Variants in NEB observed in about 807,000 individuals in gnomAD.
NEB encodes nebulin.
In NEB, 512 loss-of-function variants were observed where a neutral mutation model predicts 952.2. The ratio of observed to expected loss-of-function variants is 0.54; its 90% CI spans 0.50 to 0.58. The LOEUF is 0.58. NEB is among the 20% of genes least tolerant of loss of function. NEB has a pLI of 0.00. For missense variants in NEB, 8,428 were observed against 9,231.1 expected (o/e 0.91, Z 3.56); for synonymous variants, 2,900 against 3,149.8 (o/e 0.92, Z 2.66).
At chr2:151,646,082 C>A in intron 55 of NEB, 48 bp downstream of exon 55, 1 of 1,367,776 alleles carries the variant, frequency 7.3e-7, no homozygotes, top group East Asian at 2.5e-5. Context: ...GATTTAGAAA[C>A]AATTAAAATG....
intron 124 of NEB, among the ~76,000 whole-genome samples, 157 bp downstream of exon 124, chr2:151,560,435 C>G (rs945697829): frequency 5.3e-5 from 8 of 151,868 alleles, no homozygotes; most frequent in African/African-American, 1.9e-4. Flanking sequence ...CACATAGACT[C>G]TAATGACTGA....
At chr2:151,630,981 G>A (rs1198537454) in intron 66 of NEB, among the ~76,000 whole-genome samples, 162 bp from the exon 67 acceptor site, 1 of 152,160 alleles carries the variant, frequency 6.6e-6, no homozygotes, top group Non-Finnish European at 1.5e-5. Flanking sequence ...TATCAAGATT[G>A]AAACTTGGAA....
intron 66 of NEB, 91 bp downstream of exon 66, chr2:151,631,052 C>A (rs140535618): frequency 2.0e-6 from 3 of 1,510,072 alleles, no homozygotes; most frequent in Non-Finnish European, 2.7e-6. Flanking sequence ...TGCGACCCCA[C>A]GCCTTCATAG....
chr2:151,701,496 G>A (rs2099668648), intron 13 of NEB, among the ~76,000 whole-genome samples: 1 of 149,616 alleles, frequency 6.7e-6, no homozygotes, highest in African/African-American at 2.5e-5. Flanking sequence ...ATCTGGTCCT[G>A]GACTCTTTTT....
chr2:151,505,732 G>C (rs143183687), intron 164 of NEB, among the ~76,000 whole-genome samples, 162 bp from the exon 165 acceptor site: 1 of 152,168 alleles, frequency 6.6e-6, no homozygotes, highest in Non-Finnish European at 1.5e-5. Flanking sequence ...CTGATACTGG[G>C]TAAGAGGAGA....
At chr2:151,672,262 A>C in intron 37 of NEB, 107 bp downstream of exon 37, 1 of 1,123,230 alleles carries the variant, frequency 8.9e-7, no homozygotes, top group Non-Finnish European at 1.2e-6. Context: ...TGTTTATTCT[A>C]AAGTGCATTT....
rs555782688 is a variant in NEB, at chr2:151,663,791, G to A, written c.5520C>T (p.Asp1840=). The part of the protein sequence containing the change: ...KHIGFRSLED[D]PKLVHFMQVA... ...CTTGCATGAAGTGCACCAGCTTGGG[G>A]TCATCTTCCAGGCTCCGGAAGCCAA... Residue 1840 remains aspartate (D), a synonymous_variant, in exon 45 of 182, where the codon GAC becomes GAT. Transcript: ENST00000397345. 1.1e-4 allele frequency: 180 copies of A among 1,613,844 alleles called. 2 individuals are homozygous for A. In the South Asian group the frequency reaches 1.9e-3, roughly 17 times the overall value.
At chr2:151,554,528 C>T (rs2153663700) in intron 125 of NEB, among the ~76,000 whole-genome samples, 1 of 152,220 alleles carries the variant, frequency 6.6e-6, no homozygotes, top group South Asian at 2.1e-4. Flanking sequence ...CCACTGCCCT[C>T]CAGCCAGGGC....
chr2:151,532,640 TGAG>T (rs887318391), intron 143 of NEB, among the ~76,000 whole-genome samples: 1 of 151,760 alleles, frequency 6.6e-6, no homozygotes, highest in Non-Finnish European at 1.5e-5. Context: ...GGAGGAGAAA[TGAG>T]GAGGTTAAGC....
At chr2:151,610,730 T>C (rs745710574) in intron 79 of NEB, 32 bp downstream of exon 79, 1 of 1,591,936 alleles carries the variant, frequency 6.3e-7, no homozygotes, top group Non-Finnish European at 8.6e-7. Context: ...TAATTAATCT[T>C]AGGTTTAAGC....
In NEB at chr2:151,719,172, G is replaced by GCT. The variant is rs201365253; in HGVS notation, c.718-1654_718-1653dup. On this transcript the variant is annotated intron_variant, in intron 9 of 181. Transcript: ENST00000397345. Reference sequence around the variant, plus strand: ...CATGTCTCTTTCCTCTTGACTGTGAGCTCTGGGATGGCAAAGAAGATGTCC... The same window carrying GCT: ...CATGTCTCTTTCCTCTTGACTGTGAGCTCTCTGGGATGGCAAAGAAGATGTCC... Among the ~76,000 whole-genome samples, 132 of 152,302 alleles carry GCT rather than the reference G, an allele frequency of 8.7e-4. 1 individual carries two copies. The East Asian group carries it at 0.024, about 28-fold the overall frequency.
chr2:151,725,565 AAAG>A lies in NEB; in HGVS notation c.295-8_295-6del. 6.2e-7 allele frequency: 1 copy of A among 1,605,676 alleles called. No homozygotes were observed. Among genetic ancestry groups the A allele is most frequent in the Non-Finnish European group, 8.5e-7 (1 of 1,172,592 alleles). On this transcript the variant is annotated splice_polypyrimidine_tract_variant and splice_region_variant and intron_variant, in intron 5 of 181. Transcript: ENST00000397345. ...AAACTTCTCCTTGTATTTATTCTGA[AAAG>A]AATATCAGATATTAGCCTAACAAGA...
intron 156 of NEB, 25 bp downstream of exon 156, chr2:151,518,293 G>T: frequency 6.6e-7 from 1 of 1,509,234 alleles, no homozygotes; most frequent in Non-Finnish European, 9.2e-7. Flanking sequence ...TGCGCCAGAG[G>T]AAAAATCGGT....
intron 3 of NEB, among the ~76,000 whole-genome samples, chr2:151,732,298 A>G (rs528145845): frequency 2.6e-5 from 4 of 152,310 alleles, no homozygotes; most frequent in Admixed American, 2.6e-4. Context: ...TTTTATTTCT[A>G]GAATGTGAAG....
At chr2:151,621,080 T>G in intron 71 of NEB, 54 bp from the exon 72 acceptor site, 2 of 1,432,168 alleles carry the variant, frequency 1.4e-6, no homozygotes, top group Non-Finnish European at 1.9e-6. Context: ...ACTCGAAAAG[T>G]ATATTTTCTG....
At position 151,492,292 on chromosome 2, in the gene NEB, A is replaced by G. The variant is rs1487546777; in HGVS notation, c.24874-11T>C. 6.2e-7 allele frequency: 1 copy of G among 1,607,100 alleles called. No homozygotes were observed. Among genetic ancestry groups the G allele is most frequent in the East Asian group, 2.2e-5 (1 of 44,748 alleles). On this transcript the variant is annotated splice_polypyrimidine_tract_variant and intron_variant, in intron 177 of 181. Coordinates refer to ENST00000397345, the MANE Select transcript of NEB (RefSeq NM_001164508.2). ...TTCATGATATTTCACCTGAAATGTCATGAATTTGCTTTATGAAAATATGAT... is the reference window on the plus strand; with the variant it reads ...TTCATGATATTTCACCTGAAATGTCGTGAATTTGCTTTATGAAAATATGAT...
chr2:151,506,040 C>T, intron 164 of NEB, 126 bp downstream of exon 164: 1 of 834,546 alleles, frequency 1.2e-6, no homozygotes, highest in Non-Finnish European at 2.1e-6. Context: ...GGTGGTGGTA[C>T]ACAGGCACCT....
intron 27 of NEB, among the ~76,000 whole-genome samples, chr2:151,686,700 T>C (rs971891606): frequency 6.6e-6 from 1 of 152,174 alleles, no homozygotes; most frequent in African/African-American, 2.4e-5. Context: ...AAAAAACTAG[T>C]ATCTGCAAGC....
At chr2:151,644,606 T>C (rs766732212) in intron 55 of NEB, 31 bp from the exon 56 acceptor site, 2 of 1,536,088 alleles carry the variant, frequency 1.3e-6, no homozygotes, top group Non-Finnish European at 1.8e-6. Flanking sequence ...TTTTGGGAAA[T>C]ACTGTTCCCC....
Sources: gnomAD v4.1 joint callset for allele counts (sites outside exome capture counted in the v4.1 genomes callset) on GRCh38, gnomAD v4.1.1 for gene constraint, MANE v1.5 for transcripts, NCBI Gene and HGNC (gene_info 2026-07-23, HGNC 2026-07-21) for gene names.